The following MCTP1 variants were observed in gnomAD, a reference collection of about 807,000 sequenced individuals.
MCTP1 encodes multiple C2 and transmembrane domain containing 1, also known as multiple C2 and transmembrane domain-containing protein 1.
Under a neutral mutation model 120.6 loss-of-function variants are expected in MCTP1, and 69 were observed. The observed-to-expected ratio is 0.57, with a 90% CI of 0.47 to 0.70. The LOEUF (loss-of-function observed/expected upper bound fraction) is 0.70. MCTP1 is among the 30% of genes least tolerant of loss of function. The pLI is 0.00. For synonymous variants in MCTP1, 529 were observed against 493.1 expected, an observed-to-expected ratio of 1.07 and a Z score of -0.96; for missense variants, 1,203 against 1,248.8, an observed-to-expected ratio of 0.96 and a Z score of 0.55.
chr5:95,019,096 T>C (rs1002523017), intron 1 of MCTP1, among the ~76,000 whole-genome samples: 2 of 152,106 alleles, frequency 1.3e-5, no homozygotes, highest in Admixed American at 6.6e-5. Context: ...GGCACTTTTC[T>C]AGTCAATACA....
chr5:95,108,894 T>A (rs2152384985), intron 1 of MCTP1, among the ~76,000 whole-genome samples: 1 of 152,328 alleles, frequency 6.6e-6, no homozygotes, highest in East Asian at 1.9e-4. Flanking sequence ...TACTTATTGT[T>A]CAGTATCTAC....
chr5:95,223,024 T>C (rs1753852246), intron 1 of MCTP1, among the ~76,000 whole-genome samples: 1 of 152,210 alleles, frequency 6.6e-6, no homozygotes, highest in South Asian at 2.1e-4. Flanking sequence ...ATCTTTTCAT[T>C]CTATTCAGTC....
intron 17 of MCTP1, among the ~76,000 whole-genome samples, chr5:94,820,657 G>T (rs1468288616): frequency 6.6e-6 from 1 of 152,168 alleles, no homozygotes; most frequent in African/African-American, 2.4e-5. Context: ...AGCATGGTCT[G>T]TCCCTAATTG....
chr5:94,915,379 G>A (rs1809783156), intron 8 of MCTP1, among the ~76,000 whole-genome samples: 1 of 152,150 alleles, frequency 6.6e-6, no homozygotes, highest in Non-Finnish European at 1.5e-5. Flanking sequence ...GAAACAAAAT[G>A]TTTCCAAAGG....
At chr5:95,180,865 C>G (rs1748523666) in intron 1 of MCTP1, among the ~76,000 whole-genome samples, 1 of 152,194 alleles carries the variant, frequency 6.6e-6, no homozygotes, top group Non-Finnish European at 1.5e-5. Context: ...TATACCCTTA[C>G]TTGCCCTAGC....
chr5:94,756,326 C>T (rs749791432), intron 19 of MCTP1, among the ~76,000 whole-genome samples: 7 of 152,130 alleles, frequency 4.6e-5, no homozygotes, highest in Admixed American at 6.5e-5. Flanking sequence ...TGATTGTTGG[C>T]AGCAATTGTA....
chr5:94,817,220 T>C (rs968655064), intron 17 of MCTP1, among the ~76,000 whole-genome samples: 2 of 152,078 alleles, frequency 1.3e-5, no homozygotes, highest in Non-Finnish European at 2.9e-5. Flanking sequence ...CTGGCCAACA[T>C]GGTGAAACCT....
At chr5:95,165,946 C>T (rs903404300) in intron 1 of MCTP1, among the ~76,000 whole-genome samples, 6 of 152,126 alleles carry the variant, frequency 3.9e-5, no homozygotes, top group African/African-American at 1.4e-4. Flanking sequence ...TATTCCTTCC[C>T]TTTGTAGCTG....
At chr5:95,159,666 A>G (rs331573) in intron 1 of MCTP1, among the ~76,000 whole-genome samples, 116,447 of 151,856 alleles carry the variant, frequency 0.77, 44,995 homozygotes, top group Non-Finnish European at 0.82. Flanking sequence ...GAATTTCTGA[A>G]GCACAACTTT....
At chr5:94,890,838 A>G (rs912077226) in intron 11 of MCTP1, among the ~76,000 whole-genome samples, 2 of 152,218 alleles carry the variant, frequency 1.3e-5, no homozygotes, top group African/African-American at 2.4e-5. Context: ...TTTACACTTC[A>G]TAGCATTTTT....
chr5:94,796,009 T>C (rs1779923167), intron 18 of MCTP1, among the ~76,000 whole-genome samples: 1 of 152,210 alleles, frequency 6.6e-6, no homozygotes, highest in African/African-American at 2.4e-5. Context: ...AAAGACTCCT[T>C]AAACAATAAA....
intron 2 of MCTP1, among the ~76,000 whole-genome samples, chr5:95,003,321 T>A (rs1228198829): frequency 2.0e-5 from 3 of 152,202 alleles, no homozygotes; most frequent in African/African-American, 7.2e-5. Context: ...TGCAATTGTG[T>A]TACAATTGCC....
intron 1 of MCTP1, among the ~76,000 whole-genome samples, chr5:95,214,766 CA>C (rs1416037333): frequency 6.8e-6 from 1 of 146,956 alleles, no homozygotes; most frequent in Non-Finnish European, 1.5e-5. Flanking sequence ...ATGGCAAGGA[CA>C]AAAAACCAAA....
chr5:94,999,120 A>G (rs1561993157), intron 2 of MCTP1, among the ~76,000 whole-genome samples: 1 of 152,218 alleles, frequency 6.6e-6, no homozygotes, highest in Non-Finnish European at 1.5e-5. Context: ...TATACTTTAT[A>G]TTATCCAATT....
At chr5:94,891,025 C>T (rs1043694853) in intron 11 of MCTP1, among the ~76,000 whole-genome samples, 1 of 152,136 alleles carries the variant, frequency 6.6e-6, no homozygotes, top group Non-Finnish European at 1.5e-5. Flanking sequence ...TACTGACAAG[C>T]AAAAGCTTAC....
In MCTP1 at chr5:95,284,224, C is replaced by T. The variant is rs1272548984; in HGVS notation, c.352G>A (p.Gly118Arg). 1.3e-6 allele frequency: 2 copies of T among 1,582,042 alleles called. No individual in the cohort carries two copies. Among genetic ancestry groups the T allele is most frequent in the East Asian group, 2.3e-5 (1 of 43,818 alleles). ...CGGATCCGGCGGCGTAGCGTGGACC[C>T]CTGCTCGGCTCTGCCGGCGCCGCCG... ...EPGGAGRAEQ[G>R]STLRRRIREH... Residue 118 changes from glycine to arginine, a missense_variant, in exon 1 of 23, where the codon GGG (glycine) becomes AGG (arginine). By Grantham distance (125) the Gly-to-Arg change is moderately radical. Around this residue, in one of 2 missense-constraint regions of MCTP1, gnomAD observed 463 missense variants for 377.8 expected, o/e 1.23. Coordinates refer to ENST00000515393, the MANE Select transcript of MCTP1 (RefSeq NM_024717.7). The surrounding 1 kb of genome is among the most constrained non-coding windows in gnomAD (Gnocchi z 5.2).
intron 19 of MCTP1, among the ~76,000 whole-genome samples, chr5:94,739,603 T>G (rs1765049955): frequency 6.6e-6 from 1 of 152,184 alleles, no homozygotes; most frequent in Non-Finnish European, 1.5e-5. Context: ...CCTGTAATTA[T>G]AAGTGTACAA....
At chr5:95,140,721 A>T (rs1759845028) in intron 1 of MCTP1, among the ~76,000 whole-genome samples, 2 of 137,398 alleles carry the variant, frequency 1.5e-5, no homozygotes, top group Admixed American at 1.4e-4. Context: ...AAAAAAAAAA[A>T]AAAAAAAAAT....
intron 2 of MCTP1, among the ~76,000 whole-genome samples, chr5:94,968,441 C>T (rs1341263254): frequency 6.6e-6 from 1 of 152,050 alleles, no homozygotes; most frequent in African/African-American, 2.4e-5. Flanking sequence ...AATGTTACTT[C>T]CTTATATTTC....
Sources: gnomAD v4.1 joint callset for allele counts (sites outside exome capture counted in the v4.1 genomes callset) on GRCh38, gnomAD v4.1.1 for gene constraint, gnomAD v4.1.1 regional missense constraint, Gnocchi (gnomAD v3.1) non-coding constraint, MANE v1.5 for transcripts, NCBI Gene and HGNC (gene_info 2026-07-23, HGNC 2026-07-21) for gene names.